The following ANO4 variants were observed in gnomAD, a reference collection of about 807,000 sequenced individuals.
ANO4 encodes anoctamin 4.
In ANO4, 69 loss-of-function variants were observed where a neutral mutation model predicts 141.9. The observed-to-expected ratio is 0.49, with a 90% CI of 0.40 to 0.59. ANO4 has a LOEUF of 0.59. Among genes scored for constraint, ANO4 ranks in the 20% least tolerant of loss-of-function variants. ANO4 has a pLI of 0.00. For synonymous variants in ANO4, 350 were observed against 394.3 expected (o/e 0.89, Z 1.33); for missense variants, 894 against 1,162.2 (o/e 0.77, Z 3.36).
chr12:100,792,606 A>G (rs995582902), upstream of ANO4, among the ~76,000 whole-genome samples: 2 of 152,250 alleles, frequency 1.3e-5, no homozygotes, highest in Non-Finnish European at 2.9e-5. Context: ...AACTTTAAAA[A>G]TTAATGGCGT....
At chr12:100,932,814 A>G (rs2042133827) in intron 3 of ANO4, among the ~76,000 whole-genome samples, 1 of 152,104 alleles carries the variant, frequency 6.6e-6, no homozygotes, top group African/African-American at 2.4e-5. Flanking sequence ...CAGACTCTTT[A>G]GCTGATTTTT....
At chr12:100,733,300 G>A (rs1422950795) in intron 1 of ANO4, among the ~76,000 whole-genome samples, 1 of 152,162 alleles carries the variant, frequency 6.6e-6, no homozygotes, top group African/African-American at 2.4e-5. Flanking sequence ...GAGGATGGAG[G>A]ATGGGGATGA....
At chr12:100,814,935 A>G (rs1327678364) in intron 1 of ANO4, among the ~76,000 whole-genome samples, 1 of 152,104 alleles carries the variant, frequency 6.6e-6, no homozygotes, top group Non-Finnish European at 1.5e-5. Context: ...AGGGGGCTGC[A>G]GGGAGATGGC....
At chr12:100,918,046 G>A (rs1432012950) in intron 2 of ANO4, among the ~76,000 whole-genome samples, 3 of 152,248 alleles carry the variant, frequency 2.0e-5, no homozygotes, top group African/African-American at 7.2e-5. Flanking sequence ...TTGTGCTAAG[G>A]GCAGTTGCAA....
chr12:101,048,338 C>T lies in ANO4; in HGVS notation c.1252-3C>T. 1 of 1,613,542 alleles carries T rather than the reference C, an allele frequency of 6.2e-7. No homozygotes were observed. The highest frequency in any genetic ancestry group is 1.7e-5 in the Admixed American group (1 of 59,992). ...ACTCAGCACCGATTCTTATTATTCA[C>T]AGGTAACCCACCTTTTTGACAATGG... On this transcript the variant is annotated splice_polypyrimidine_tract_variant and splice_region_variant and intron_variant, in intron 13 of 27. Transcript: ENST00000392977.
intron 1 of ANO4, among the ~76,000 whole-genome samples, chr12:100,860,916 G>A (rs2135888298): frequency 6.6e-6 from 1 of 152,306 alleles, no homozygotes; most frequent in South Asian, 2.1e-4. Context: ...CAAGAATGGG[G>A]CCGCGGACCT....
intron 8 of ANO4, among the ~76,000 whole-genome samples, chr12:100,991,176 A>G (rs1016444336): frequency 6.6e-6 from 1 of 152,220 alleles, no homozygotes; most frequent in East Asian, 1.9e-4. Flanking sequence ...GAAAATTGCC[A>G]TGTCACATAG....
At chr12:101,044,834 G>A (rs545083520) in intron 13 of ANO4, among the ~76,000 whole-genome samples, 1 of 152,296 alleles carries the variant, frequency 6.6e-6, no homozygotes, top group African/African-American at 2.4e-5. Context: ...AGATAGACCT[G>A]AGTGGATAAG....
intron 8 of ANO4, among the ~76,000 whole-genome samples, chr12:101,017,880 T>A (rs1193297462): frequency 6.6e-6 from 1 of 152,172 alleles, no homozygotes; most frequent in Non-Finnish European, 1.5e-5. Context: ...CTACAGAACC[T>A]CCAGGCTCCA....
rs2049983793 is a variant in ANO4 at position 101,096,424 on chromosome 12, A to C, written c.1739-112A>C. Reference sequence around the variant, plus strand: ...CCGTGGGTAAACTGGAGTCTCCTGCAGCCTCCTCAGGACTCCTGCGTCCCC... The same window carrying C: ...CCGTGGGTAAACTGGAGTCTCCTGCCGCCTCCTCAGGACTCCTGCGTCCCC... On this transcript the variant is annotated intron_variant, in intron 18 of 27. Coordinates refer to ENST00000392977, the MANE Select transcript of ANO4 (RefSeq NM_001286615.2). 6 of 773,266 alleles carry C rather than the reference A, an allele frequency of 7.8e-6. No individual in the cohort carries two copies. The South Asian group carries it at 8.3e-5, about 11-fold the overall frequency. The allele number at this position is 773,266 out of a possible 1,614,324, so 47.9% of individuals were successfully genotyped here.
chr12:100,753,399 C>A (rs1223249805), intron 3 of ANO4, among the ~76,000 whole-genome samples: 2 of 152,190 alleles, frequency 1.3e-5, no homozygotes, highest in South Asian at 2.1e-4. Flanking sequence ...GGGCTCAGAT[C>A]TGAGTCCTTT....
rs1378661872 is a variant in ANO4, at chr12:100,814,181, T to A, written c.-141+19154T>A. On this transcript the variant is annotated intron_variant, in intron 1 of 27. Coordinates refer to ENST00000392977, the MANE Select transcript of ANO4 (RefSeq NM_001286615.2). The stretch of plus-strand genomic sequence containing the variant: ...TATATACTCTGTAGTTTCCAGGAAT[T>A]TTTTTGTGGTGCCTTATGTAAAGGC... Among the ~76,000 whole-genome samples the A allele has an allele frequency of 3.3e-5, 5 of 152,318 alleles. No homozygotes were observed. The East Asian group carries it at 9.7e-4, about 29-fold the overall frequency.
At position 101,011,318 on chromosome 12, in the gene ANO4, C is replaced by CTTTTTTTTTTT. The variant is rs59483191; in HGVS notation, c.735-8709_735-8699dup. 1.8e-5 allele frequency among the ~76,000 whole-genome samples: 2 copies of CTTTTTTTTTTT among 110,688 alleles called. 1 individual carries two copies. The highest frequency in any genetic ancestry group is 3.9e-5 in the Non-Finnish European group (2 of 51,390). The allele number at this position is 110,688 out of a possible 152,430, so 72.6% of individuals were successfully genotyped here. A position where few individuals can be genotyped will look rare whatever the true frequency, so the allele number is the denominator to read the frequency against. On this transcript the variant is annotated intron_variant, in intron 8 of 27. Transcript: ENST00000392977. ...CATAGGAGGAATCATGGCCTTTTTT[C>CTTTTTTTTTTT]TTTTTTTTTTTTTTTTTGCAATCTA...
intron 1 of ANO4, among the ~76,000 whole-genome samples, chr12:100,884,573 AC>A (rs2039734946): frequency 1.3e-5 from 2 of 152,154 alleles, no homozygotes; most frequent in South Asian, 2.1e-4. Context: ...TTAAAATGTC[AC>A]CAATTTATCT....
chr12:100,795,796 AG>A (rs2034273077), intron 1 of ANO4, among the ~76,000 whole-genome samples: 1 of 152,188 alleles, frequency 6.6e-6, no homozygotes, highest in Non-Finnish European at 1.5e-5. Flanking sequence ...TAGAATGGTT[AG>A]ACTTTTCTAG....
intron 23 of ANO4, among the ~76,000 whole-genome samples, chr12:101,110,801 C>T (rs2050633350): frequency 6.6e-6 from 1 of 152,152 alleles, no homozygotes; most frequent in African/African-American, 2.4e-5. Context: ...TTGATTATTT[C>T]TATCTTAAGA....
chr12:101,043,353 A>C (rs1156920579), intron 12 of ANO4, among the ~76,000 whole-genome samples, 186 bp from the exon 13 acceptor site: 1 of 152,236 alleles, frequency 6.6e-6, no homozygotes, highest in Non-Finnish European at 1.5e-5. Context: ...ACAGCCTCAT[A>C]AGTAGGTTTA....
chr12:100,815,561 A>G (rs919256649), intron 1 of ANO4, among the ~76,000 whole-genome samples: 75 of 152,032 alleles, frequency 4.9e-4, no homozygotes, highest in African/African-American at 1.7e-3. Flanking sequence ...TCTTATTTGG[A>G]TTACGTAGGT....
chr12:100,959,413 A>G (rs533100123), intron 5 of ANO4, among the ~76,000 whole-genome samples: 6 of 152,216 alleles, frequency 3.9e-5, no homozygotes, highest in Admixed American at 3.3e-4. Context: ...CTTGACCCCT[A>G]TACTCTCCTC....
Sources: gnomAD v4.1 joint callset for allele counts (sites outside exome capture counted in the v4.1 genomes callset) on GRCh38, gnomAD v4.1.1 for gene constraint, MANE v1.5 for transcripts, NCBI Gene and HGNC (gene_info 2026-07-23, HGNC 2026-07-21) for gene names.